The following DCPS variants were observed in gnomAD, a reference collection of about 807,000 sequenced individuals.
The protein encoded by DCPS is m7GpppX diphosphatase.
DCPS carries 27 observed loss-of-function variants against 34.7 expected under a neutral mutation model. That is an observed-to-expected ratio of 0.78 (90% CI 0.57 to 1.07). DCPS has a LOEUF of 1.07. DCPS is among the 50% of genes least tolerant of loss of function. DCPS has a pLI of 0.00. For missense variants in DCPS, 464 were observed against 436.9 expected, an observed-to-expected ratio of 1.06 and a Z score of -0.55; for synonymous variants, 185 against 185.7, an observed-to-expected ratio of 1.00 and a Z score of 0.03.
At position 126,342,844 on chromosome 11, in the gene DCPS, C is replaced by A. The variant is rs979174424; in HGVS notation, c.637-463C>A. On this transcript the variant is annotated intron_variant, in intron 4 of 5. Transcript: ENST00000263579. This position sits in a 1 kb window ranked among gnomAD's most constrained non-coding sequence, Gnocchi z 4.4. ...CCTGTAATCCCAGCACTTTGGGAGG[C>A]CGAGGCAGGCGGATCATGAAGTCAG... Among the ~76,000 whole-genome samples, 1 of 152,060 alleles carries A rather than the reference C, an allele frequency of 6.6e-6. No homozygotes were observed. Among genetic ancestry groups the A allele is most frequent in the African/African-American group, 2.4e-5 (1 of 41,392 alleles).
At chr11:126,316,099 T>C (rs1440631003) in intron 2 of DCPS, among the ~76,000 whole-genome samples, 3 of 152,092 alleles carry the variant, frequency 2.0e-5, no homozygotes, top group Non-Finnish European at 4.4e-5. Context: ...TTTAGTTTGT[T>C]TCATATTTGA....
chr11:126,338,044 A>G lies in DCPS; in HGVS notation c.523-242A>G. On this transcript the variant is annotated intron_variant, in intron 3 of 5. Coordinates refer to ENST00000263579, the MANE Select transcript of DCPS (RefSeq NM_014026.6). This position sits in a 1 kb window ranked among gnomAD's most constrained non-coding sequence, Gnocchi z 5.4. ...GCCTGGCCCCTTCCAAGCTGCAGAGACCCTTGTGATGACGCATGGCTGAGT... is the reference window on the plus strand; with the variant it reads ...GCCTGGCCCCTTCCAAGCTGCAGAGGCCCTTGTGATGACGCATGGCTGAGT... 1.9e-6 allele frequency: 1 copy of G among 530,622 alleles called. No homozygotes were observed. Among genetic ancestry groups the G allele is most frequent in the South Asian group, 2.1e-5 (1 of 47,704 alleles). The allele number at this position is 530,622 out of a possible 1,614,324, so 32.9% of individuals were successfully genotyped here.
At chr11:126,308,819 C>G (rs1951594981) in intron 2 of DCPS, among the ~76,000 whole-genome samples, 1 of 150,988 alleles carries the variant, frequency 6.6e-6, no homozygotes, top group Non-Finnish European at 1.5e-5. Context: ...TTTCCCAGTC[C>G]TTCTGTGGCA....
In DCPS at chr11:126,322,851, C is replaced by T. The variant is rs1049335696; in HGVS notation, c.377-8554C>T. Among the ~76,000 whole-genome samples, 1 of 152,126 alleles carries T rather than the reference C, an allele frequency of 6.6e-6. No homozygotes were observed. Among genetic ancestry groups the T allele is most frequent in the African/African-American group, 2.4e-5 (1 of 41,420 alleles). On this transcript the variant is annotated intron_variant, in intron 2 of 5. Transcript: ENST00000263579. This position sits in a 1 kb window ranked among gnomAD's most constrained non-coding sequence, Gnocchi z 4.2. ...AAGAAGCAAAAAAATTTTTTTGAGA[C>T]AATGTCTCACTTTGTTGCCAGGTTG...
In DCPS at chr11:126,327,178, T is replaced by A. The variant is rs1243261543; in HGVS notation, c.377-4227T>A. Among the ~76,000 whole-genome samples the A allele has an allele frequency of 6.6e-6, 1 of 152,196 alleles. No individual in the cohort carries two copies. The highest frequency in any genetic ancestry group is 2.4e-5 in the African/African-American group (1 of 41,454). On this transcript the variant is annotated intron_variant, in intron 2 of 5. Coordinates refer to ENST00000263579, the MANE Select transcript of DCPS (RefSeq NM_014026.6). This position sits in a 1 kb window ranked among gnomAD's most constrained non-coding sequence, Gnocchi z 4.1. ...CCCGGATCTAATCCAATCCCTTTAGTCCCGTCTCTTTAGTCTCCCTTCATC... is the reference window on the plus strand; with the variant it reads ...CCCGGATCTAATCCAATCCCTTTAGACCCGTCTCTTTAGTCTCCCTTCATC...
Position 126,347,223 on chromosome 11 carries a change from CTTTTTTTTTT to C in DCPS, c.*1621_*1630del, listed in dbSNP as rs1229980101. Among the ~76,000 whole-genome samples the C allele has an allele frequency of 2.4e-5, 3 of 122,750 alleles. No homozygotes were observed. The highest frequency in any genetic ancestry group is 5.1e-5 in the Non-Finnish European group (3 of 59,118). The allele number at this position is 122,750 out of a possible 152,430, so 80.5% of individuals were successfully genotyped here. ...CACTCAGCCATTCTTCCCTGCAGCT[CTTTTTTTTTT>C]TTTTTTTTTTGAGACAATCTCGCTC... On this transcript the variant is annotated 3_prime_UTR_variant, in exon 6 of 6. Transcript: ENST00000263579. This position sits in a 1 kb window ranked among gnomAD's most constrained non-coding sequence, Gnocchi z 4.2.
chr11:126,345,233 T>G lies in DCPS; in HGVS notation c.748-114T>G. On this transcript the variant is annotated intron_variant, in intron 5 of 5. Coordinates refer to ENST00000263579, the MANE Select transcript of DCPS (RefSeq NM_014026.6). This position sits in a 1 kb window ranked among gnomAD's most constrained non-coding sequence, Gnocchi z 7.4. ...TAGAGAGCTGTTTGGAGGGTTTTTGTGAGCTGTCCCAGGCCAATCCAGGAT... is the reference window on the plus strand; with the variant it reads ...TAGAGAGCTGTTTGGAGGGTTTTTGGGAGCTGTCCCAGGCCAATCCAGGAT... 2.8e-5 allele frequency: 40 copies of G among 1,453,112 alleles called. No individual in the cohort carries two copies. Among genetic ancestry groups the G allele is most frequent in the African/African-American group, 4.2e-5 (3 of 71,542 alleles). The allele number at this position is 1,453,112 out of a possible 1,614,324, so 90.0% of individuals were successfully genotyped here.
At position 126,336,974 on chromosome 11, in the gene DCPS, C is replaced by T. The variant is rs185494246; in HGVS notation, c.523-1312C>T. On this transcript the variant is annotated intron_variant, in intron 3 of 5. Coordinates refer to ENST00000263579, the MANE Select transcript of DCPS (RefSeq NM_014026.6). The surrounding 1 kb of genome is among the most constrained non-coding windows in gnomAD (Gnocchi z 6.3). The stretch of plus-strand genomic sequence containing the variant: ...GGAGACCTCGAGGCCCAGCTGCCCT[C>T]TCCCCCGGTCCATCCCAGCTGAGAG... 6.6e-6 allele frequency: 1 copy of T among 152,452 alleles called. No homozygotes were observed. Among genetic ancestry groups the T allele is most frequent in the East Asian group, 1.9e-4 (1 of 5,188 alleles). 9.4% of individuals were successfully genotyped at this position (152,452 alleles called of 1,614,324 possible).
intron 2 of DCPS, among the ~76,000 whole-genome samples, chr11:126,326,687 GC>G (rs1951741798): frequency 6.6e-6 from 1 of 152,188 alleles, no homozygotes; most frequent in South Asian, 2.1e-4. Flanking sequence ...ACTTTGGGAG[GC>G]CGAGGCATGT....
chr11:126,330,362 G>A (rs986090069), intron 2 of DCPS, among the ~76,000 whole-genome samples: 6 of 152,154 alleles, frequency 3.9e-5, no homozygotes, highest in Admixed American at 3.3e-4. Flanking sequence ...CTGAGATTGA[G>A]AAACCCTGGA....
rs111920922 is a variant in DCPS, at chr11:126,320,523, C to T, written c.377-10882C>T. 8.7e-3 allele frequency among the ~76,000 whole-genome samples: 1,323 copies of T among 152,232 alleles called. 28 individuals carry two copies. Among genetic ancestry groups the T allele is most frequent in the African/African-American group, 0.03 (1,258 of 41,542 alleles). On this transcript the variant is annotated intron_variant, in intron 2 of 5. Coordinates refer to ENST00000263579, the MANE Select transcript of DCPS (RefSeq NM_014026.6). The surrounding 1 kb of genome is among the most constrained non-coding windows in gnomAD (Gnocchi z 4.7). Reference sequence around the variant, plus strand: ...AATTAACCCATCAAGACTACAAGGGCGGGGTGCAGTGGCTCATGCCCCTAA... The same window carrying T: ...AATTAACCCATCAAGACTACAAGGGTGGGGTGCAGTGGCTCATGCCCCTAA...
intron 2 of DCPS, among the ~76,000 whole-genome samples, chr11:126,330,766 C>T (rs1457282808): frequency 2.3e-5 from 2 of 85,970 alleles, no homozygotes; most frequent in Admixed American, 3.5e-4. Flanking sequence ...GATAGAGTTT[C>T]ACTCTTGTTG....
In DCPS at chr11:126,345,805, G is replaced by A; in HGVS notation, c.*192G>A. The A allele has an allele frequency of 1.2e-6, 1 of 813,356 alleles. No homozygotes were observed. The highest frequency in any genetic ancestry group is 1.8e-5 in the South Asian group (1 of 54,876). 50.4% of individuals were successfully genotyped at this position (813,356 alleles called of 1,614,324 possible). ...GACAGATGGTGGGGGACAGTGGGTG[G>A]GTAGAACCTGTGGGAAGGCCTTGAG... is the stretch of plus-strand genomic sequence containing the variant. On this transcript the variant is annotated 3_prime_UTR_variant, in exon 6 of 6. Coordinates refer to ENST00000263579, the MANE Select transcript of DCPS (RefSeq NM_014026.6). This position sits in a 1 kb window ranked among gnomAD's most constrained non-coding sequence, Gnocchi z 7.4.
Position 126,338,386 on chromosome 11 carries a change from G to A in DCPS, c.623G>A (p.Trp208Ter). 3 of 1,614,126 alleles carry A rather than the reference G, an allele frequency of 1.9e-6. No homozygotes were observed. Among genetic ancestry groups the A allele is most frequent in the Non-Finnish European group, 2.5e-6 (3 of 1,180,008 alleles). Reference protein sequence around the residue: ...DGFVLIPDLKWNQQQLDDLYL... With the variant: ...DGFVLIPDLK ...TTTGTCCTCATCCCTGACCTCAAGT[G>A]GAACCAACAGCAGGTAAAGGTTTCT... Residue 208 changes from tryptophan (W) to a stop codon, truncating the protein, a stop_gained, in exon 4 of 6, where the codon TGG becomes TAG. Coordinates refer to ENST00000263579, the MANE Select transcript of DCPS (RefSeq NM_014026.6). LOFTEE classifies it high-confidence loss of function. This position sits in a 1 kb window ranked among gnomAD's most constrained non-coding sequence, Gnocchi z 5.4.
At position 126,312,392 on chromosome 11, in the gene DCPS, G is replaced by A. The variant is rs1478344172; in HGVS notation, c.376+5648G>A. Among the ~76,000 whole-genome samples the A allele has an allele frequency of 6.6e-6, 1 of 151,914 alleles. No homozygotes were observed. Among genetic ancestry groups the A allele is most frequent in the African/African-American group, 2.4e-5 (1 of 41,332 alleles). On this transcript the variant is annotated intron_variant, in intron 2 of 5. Transcript: ENST00000263579. This position sits in a 1 kb window ranked among gnomAD's most constrained non-coding sequence, Gnocchi z 5.1. The stretch of plus-strand genomic sequence containing the variant: ...CTCTCTCTGTCACCCAGGCTGGAGT[G>A]CAGTGGTGCGATCTCGGCTCACTGC...
rs202015307 is a variant in DCPS, at chr11:126,316,644, A to G, written c.376+9900A>G. ...TTTTACTCTCTTGATTAGCTGAAGT[A>G]CATTTTTTTTTTTTCATGTTTTTCT... On this transcript the variant is annotated intron_variant, in intron 2 of 5. Transcript: ENST00000263579. 0.013 allele frequency among the ~76,000 whole-genome samples: 1,058 copies of G among 80,422 alleles called. 31 individuals carry two copies. The East Asian group carries it at 0.22, about 17-fold the overall frequency. The allele number at this position is 80,422 out of a possible 152,430, so 52.8% of individuals were successfully genotyped here.
rs750551104 is a variant in DCPS, at chr11:126,338,934, A to G, written c.636+535A>G. 9.2e-5 allele frequency among the ~76,000 whole-genome samples: 14 copies of G among 152,096 alleles called. No homozygotes were observed. The highest frequency in any genetic ancestry group is 2.1e-4 in the Non-Finnish European group (14 of 67,986). The stretch of plus-strand genomic sequence containing the variant: ...GCCTCCAAGCACCTCTGCTTCTCCT[A>G]CTTTCCTAAGGAGCAGGTTTGGGAG... On this transcript the variant is annotated intron_variant, in intron 4 of 5. Coordinates refer to ENST00000263579, the MANE Select transcript of DCPS (RefSeq NM_014026.6). This position sits in a 1 kb window ranked among gnomAD's most constrained non-coding sequence, Gnocchi z 5.4.
chr11:126,331,435 C>A lies in DCPS; in HGVS notation c.407C>A (p.Thr136Lys). ...DVKTTVVYPA[T>K]EKHLQKYLRQ... is the part of the protein sequence containing the mutation. ...AAGACGACCGTGGTTTACCCTGCCA[C>A]AGAGAAACACCTGCAGAAGTACCTG... The change falls in exon 3 of 6, where the codon ACA (threonine) becomes AAA (lysine). Residue 136 changes from threonine (T) to lysine (K), a missense_variant. Coordinates refer to ENST00000263579, the MANE Select transcript of DCPS (RefSeq NM_014026.6). The surrounding 1 kb of genome is among the most constrained non-coding windows in gnomAD (Gnocchi z 7.2). 1 of 1,614,168 alleles carries A rather than the reference C, an allele frequency of 6.2e-7. No homozygotes were observed. The highest frequency in any genetic ancestry group is 8.5e-7 in the Non-Finnish European group (1 of 1,180,034).
rs1449061643 is a variant in DCPS, at chr11:126,327,396, G to T, written c.377-4009G>T. Among the ~76,000 whole-genome samples the T allele has an allele frequency of 2.6e-5, 4 of 152,246 alleles. No individual in the cohort carries two copies. The highest frequency in any genetic ancestry group is 4.4e-5 in the Non-Finnish European group (3 of 68,048). On this transcript the variant is annotated intron_variant, in intron 2 of 5. Transcript: ENST00000263579. This position sits in a 1 kb window ranked among gnomAD's most constrained non-coding sequence, Gnocchi z 4.1. ...CATGATGTCGGCGTGCCCAGCAGGG[G>T]TGACGGTGACGCCCATGGCCTGGCC... is the stretch of plus-strand genomic sequence containing the variant.
Sources: allele counts gnomAD v4.1 joint callset (sites outside exome capture counted in the v4.1 genomes callset), GRCh38; gene constraint gnomAD v4.1.1; non-coding constraint Gnocchi (gnomAD v3.1); transcripts MANE v1.5; gene names NCBI Gene and HGNC (gene_info 2026-07-23, HGNC 2026-07-21).